CFAP221: variants seen among roughly 807,000 people sequenced by gnomAD.
CFAP221 encodes the protein cilia- and flagella-associated protein 221.
Under a neutral mutation model 113.1 loss-of-function variants are expected in CFAP221, and 97 were observed. The observed-to-expected ratio is 0.86, with a 90% CI of 0.73 to 1.02. CFAP221 has a LOEUF of 1.02. Among genes scored for constraint, CFAP221 ranks in the 50% least tolerant of loss-of-function variants. CFAP221 has a pLI of 0.00. For missense variants in CFAP221, 1,025 were observed against 1,013.4 expected (o/e 1.01, Z -0.16); for synonymous variants, 331 against 354.4 (o/e 0.93, Z 0.74).
In CFAP221 at chr2:119,604,795, A is replaced by G. The variant is rs895705109; in HGVS notation, c.912+3A>G. On this transcript the variant is annotated splice_donor_region_variant and intron_variant, in intron 9 of 23. Coordinates refer to ENST00000413369, the MANE Select transcript of CFAP221 (RefSeq NM_001271049.2). ...AGCCGAAGCCTCAGAAGGTGAAGGT[A>G]CGGTGGGCCTTGTCCTTGGTGCGAT... The G allele has an allele frequency of 1.3e-5, 21 of 1,573,870 alleles. No individual in the cohort carries two copies. The highest frequency in any genetic ancestry group is 1.7e-5 in the Non-Finnish European group (20 of 1,160,442).
downstream of CFAP221, among the ~76,000 whole-genome samples, chr2:119,659,130 C>G (rs970976380): frequency 8.5e-5 from 13 of 152,166 alleles, no homozygotes; most frequent in Admixed American, 4.6e-4. Flanking sequence ...CAGCTTAGCT[C>G]CCATCATCTA....
rs1680045047 is a variant in CFAP221 at position 119,546,279 on chromosome 2, C to G, written c.139+9C>G. 3 of 1,532,276 alleles carry G rather than the reference C, an allele frequency of 2.0e-6. No homozygotes were observed. Among genetic ancestry groups the G allele is most frequent in the Non-Finnish European group, 2.6e-6 (3 of 1,145,682 alleles). The allele number at this position is 1,532,276 out of a possible 1,614,324, so 94.9% of individuals were successfully genotyped here. ...TCACCTCCTAGAATCAAGTAAGTGG[C>G]TAGAAGACAGATTTGCTTTACAGCT... On this transcript the variant is annotated intron_variant, in intron 2 of 23. Coordinates refer to ENST00000413369, the MANE Select transcript of CFAP221 (RefSeq NM_001271049.2).
intron 8 of CFAP221, among the ~76,000 whole-genome samples, chr2:119,604,020 C>A (rs1275299022): frequency 6.6e-6 from 1 of 152,134 alleles, no homozygotes; most frequent in Non-Finnish European, 1.5e-5. Context: ...CATAATCATT[C>A]TTTTACTAGG....
chr2:119,589,126 C>G (rs182463959), intron 7 of CFAP221, among the ~76,000 whole-genome samples: 124 of 152,348 alleles, frequency 8.1e-4, no homozygotes, highest in African/African-American at 2.9e-3. Context: ...CCAAACTGGT[C>G]TCATGGGCTC....
intron 6 of CFAP221, among the ~76,000 whole-genome samples, chr2:119,566,347 C>T (rs1378535403): frequency 6.6e-6 from 1 of 152,202 alleles, no homozygotes; most frequent in African/African-American, 2.4e-5. Context: ...AAAAATACTC[C>T]TCCTGCAAGG....
intron 11 of CFAP221, among the ~76,000 whole-genome samples, chr2:119,606,503 A>G (rs1347492892): frequency 2.0e-5 from 3 of 152,092 alleles, no homozygotes; most frequent in East Asian, 1.9e-4. Flanking sequence ...GCTTAAGTCT[A>G]TAGTTATGGT....
intron 7 of CFAP221, among the ~76,000 whole-genome samples, chr2:119,599,805 T>G (rs969600653): frequency 6.6e-6 from 1 of 152,232 alleles, no homozygotes; most frequent in African/African-American, 2.4e-5. Flanking sequence ...CACTAGAATG[T>G]AAACTGTGAG....
Position 119,595,750 on chromosome 2 carries a change from G to A in CFAP221, c.632-5468G>A, listed in dbSNP as rs998401464. ...AGACATTGTCCAGAGCAAAAATGGT[G>A]GTGAGAAAAATAAGACATGGTGATG... is the stretch of plus-strand genomic sequence containing the variant. On this transcript the variant is annotated intron_variant, in intron 7 of 23. Transcript: ENST00000413369. Among the ~76,000 whole-genome samples, 26 of 152,202 alleles carry A rather than the reference G, an allele frequency of 1.7e-4. No individual in the cohort carries two copies. In the South Asian group the frequency reaches 2.1e-3, roughly 12 times the overall value.
chr2:119,570,398 A>G (rs1451480000), intron 6 of CFAP221, among the ~76,000 whole-genome samples: 1 of 152,222 alleles, frequency 6.6e-6, no homozygotes, highest in Non-Finnish European at 1.5e-5. Context: ...TATAATTCAC[A>G]TATGATAAAA....
chr2:119,603,494 T>G (rs1259834375), intron 8 of CFAP221, among the ~76,000 whole-genome samples: 34 of 152,150 alleles, frequency 2.2e-4, no homozygotes, highest in Non-Finnish European at 1.5e-5. Flanking sequence ...GACATTAAAT[T>G]TGAGGTTGCT....
At chr2:119,639,076 G>A (rs977756186) in intron 20 of CFAP221, among the ~76,000 whole-genome samples, 4 of 152,048 alleles carry the variant, frequency 2.6e-5, no homozygotes, top group African/African-American at 9.7e-5. Flanking sequence ...ACCACCCCGG[G>A]GGGGTGGGGG....
intron 7 of CFAP221, among the ~76,000 whole-genome samples, chr2:119,589,295 G>A (rs559190436): frequency 6.6e-6 from 1 of 152,380 alleles, no homozygotes; most frequent in African/African-American, 2.4e-5. Flanking sequence ...CTGCAGTGAA[G>A]AAAGCCTTGG....
chr2:119,547,336 G>A (rs2105002288), intron 2 of CFAP221, among the ~76,000 whole-genome samples: 2 of 152,244 alleles, frequency 1.3e-5, no homozygotes, highest in Middle Eastern at 6.8e-3. Flanking sequence ...AAGGCGGTTG[G>A]ATCATTTGAG....
Position 119,549,137 on chromosome 2 carries a change from A to T in CFAP221, c.192A>T (p.Ile64=), listed in dbSNP as rs1482259113. The change falls in exon 3 of 24, where the codon ATA becomes ATT. Residue 64 remains isoleucine, a synonymous_variant. Transcript: ENST00000413369. The stretch of plus-strand genomic sequence containing the variant: ...AGGTCATACAGGCAAGACCTGGCAT[A>T]ATACATTTTGGAGGCTATCAAGTAG... The part of the protein sequence containing the change: ...NNKVIQARPG[I]IHFGGYQVEK... The T allele has an allele frequency of 4.6e-6, 7 of 1,535,314 alleles. No individual in the cohort carries two copies. The highest frequency in any genetic ancestry group is 2.0e-5 in the Admixed American group (1 of 50,838).
intron 12 of CFAP221, among the ~76,000 whole-genome samples, chr2:119,610,871 G>T (rs1685099956): frequency 6.6e-6 from 1 of 152,188 alleles, no homozygotes; most frequent in Non-Finnish European, 1.5e-5. Context: ...CATCTGCGGA[G>T]TACGCAGTCC....
chr2:119,615,685 A>C lies in CFAP221; in HGVS notation c.1386A>C (p.Lys462Asn). 1.2e-6 allele frequency: 2 copies of C among 1,612,780 alleles called. No homozygotes were observed. Among genetic ancestry groups the C allele is most frequent in the Non-Finnish European group, 1.7e-6 (2 of 1,179,310 alleles). ...NTWLSRSRAQ[K>N]RFQQVARKVM... ...GGCTCAGCAGGTCCAGGGCACAAAA[A>C]CGGTTTCAACAAGTAGCACGCAAGG... Residue 462 changes from lysine to asparagine, a missense_variant, in exon 14 of 24, where the codon AAA becomes AAC. By Grantham distance (94) the Lys-to-Asn change is moderately conservative. Coordinates refer to ENST00000413369, the MANE Select transcript of CFAP221 (RefSeq NM_001271049.2).
At chr2:119,581,481 G>T (rs1264427470) in intron 6 of CFAP221, among the ~76,000 whole-genome samples, 1 of 152,252 alleles carries the variant, frequency 6.6e-6, no homozygotes, top group African/African-American at 2.4e-5. Flanking sequence ...TTGAAGAAAA[G>T]ATTAATAGAT....
chr2:119,636,408 A>G (rs995822027), intron 19 of CFAP221, among the ~76,000 whole-genome samples: 2 of 152,162 alleles, frequency 1.3e-5, no homozygotes, highest in Non-Finnish European at 1.5e-5. Context: ...ATACTCAACT[A>G]AAGATGATGT....
Position 119,565,950 on chromosome 2 carries a change from C to A in CFAP221, c.527+3836C>A, listed in dbSNP as rs554351077. Among the ~76,000 whole-genome samples, 8 of 152,296 alleles carry A rather than the reference C, an allele frequency of 5.3e-5. No individual in the cohort carries two copies. In the South Asian group the frequency reaches 1.7e-3, roughly 32 times the overall value. ...AGTATTCATTCAGTCGGTTAACAAA[C>A]CTTTATTGAATGCCTTCCATGTGCC... On this transcript the variant is annotated intron_variant, in intron 6 of 23. Coordinates refer to ENST00000413369, the MANE Select transcript of CFAP221 (RefSeq NM_001271049.2).
Sources: gnomAD v4.1 joint callset for allele counts (sites outside exome capture counted in the v4.1 genomes callset) on GRCh38, gnomAD v4.1.1 for gene constraint, MANE v1.5 for transcripts, NCBI Gene and HGNC (gene_info 2026-07-23, HGNC 2026-07-21) for gene names.